The following ALDH9A1 variants were observed in gnomAD, a reference collection of about 807,000 sequenced individuals.
The protein encoded by ALDH9A1 is aldehyde dehydrogenase 9 family member A1.
Under a neutral mutation model 56.6 loss-of-function variants are expected in ALDH9A1, and 42 were observed. The ratio of observed to expected loss-of-function variants is 0.74; its 90% CI spans 0.58 to 0.96. The LOEUF (loss-of-function observed/expected upper bound fraction) is 0.96. Ranked by LOEUF, ALDH9A1 falls within the 40% of genes least tolerant of loss-of-function variation. The pLI is 0.00. For missense variants in ALDH9A1, 661 were observed against 651.5 expected (o/e 1.01, Z -0.16); for synonymous variants, 242 against 236.0 (o/e 1.03, Z -0.23).
At chr1:165,690,962 A>C (rs1201397126) in intron 2 of ALDH9A1, among the ~76,000 whole-genome samples, 1 of 152,220 alleles carries the variant, frequency 6.6e-6, no homozygotes, top group Non-Finnish European at 1.5e-5. Flanking sequence ...AGGCAGCGGA[A>C]ACTTCTGCAG....
chr1:165,673,093 T>G (rs1219676965), intron 6 of ALDH9A1, among the ~76,000 whole-genome samples: 1 of 132,316 alleles, frequency 7.6e-6, no homozygotes, highest in African/African-American at 2.8e-5. Flanking sequence ...ACTCACACTA[T>G]TCAATTGCAA....
At chr1:165,683,157 C>A in intron 2 of ALDH9A1, 47 bp from the exon 3 acceptor site, 1 of 1,588,810 alleles carries the variant, frequency 6.3e-7, no homozygotes, top group South Asian at 1.1e-5. Context: ...TCCAATATGT[C>A]TTGATGTAAT....
chr1:165,686,823 C>T (rs1270485999), intron 2 of ALDH9A1, among the ~76,000 whole-genome samples: 1 of 152,072 alleles, frequency 6.6e-6, no homozygotes, highest in South Asian at 2.1e-4. Context: ...TCAAAAACTA[C>T]CAGGCATGCA....
chr1:165,695,489 T>TA, intron 1 of ALDH9A1, 92 bp from the exon 2 acceptor site: 1 of 290,372 alleles, frequency 3.4e-6, no homozygotes, highest in Non-Finnish European at 4.8e-6. Context: ...GTAGTAGTCT[T>TA]TTTTTTTTTT....
intron 6 of ALDH9A1, among the ~76,000 whole-genome samples, chr1:165,672,571 C>A (rs939881346): frequency 3.9e-5 from 6 of 151,984 alleles, no homozygotes; most frequent in African/African-American, 1.5e-4. Context: ...TGAAAAAGTT[C>A]TAGAGATGAA....
chr1:165,667,553 C>T, intron 8 of ALDH9A1, 103 bp from the exon 9 acceptor site: 1 of 1,326,086 alleles, frequency 7.5e-7, no homozygotes, highest in Non-Finnish European at 1.0e-6. Flanking sequence ...GTTGCCCAGT[C>T]TGGTCTCAAA....
At chr1:165,680,178 G>T (rs562522299) in intron 5 of ALDH9A1, among the ~76,000 whole-genome samples, 36 of 152,216 alleles carry the variant, frequency 2.4e-4, no homozygotes, top group African/African-American at 8.2e-4. Flanking sequence ...TTCTATACAA[G>T]AAATTAAGTC....
intron 6 of ALDH9A1, among the ~76,000 whole-genome samples, chr1:165,674,998 G>C (rs1649303753): frequency 6.6e-6 from 1 of 152,286 alleles, no homozygotes; most frequent in South Asian, 2.1e-4. Context: ...TTCAAGACCA[G>C]CCTGGCCAAC....
chr1:165,670,267 T>A (rs1176973997), intron 6 of ALDH9A1, among the ~76,000 whole-genome samples: 1 of 152,066 alleles, frequency 6.6e-6, no homozygotes, highest in Non-Finnish European at 1.5e-5. Flanking sequence ...ACCCCATCTC[T>A]ACAAAAAACA....
chr1:165,684,808 G>T (rs1165523036), intron 2 of ALDH9A1, among the ~76,000 whole-genome samples: 1 of 152,190 alleles, frequency 6.6e-6, no homozygotes, highest in African/African-American at 2.4e-5. Context: ...TTCTATCGCT[G>T]CTAAGCCCTG....
chr1:165,677,901 C>A (rs930439028), intron 6 of ALDH9A1, among the ~76,000 whole-genome samples: 1 of 151,086 alleles, frequency 6.6e-6, no homozygotes, highest in African/African-American at 2.4e-5. Flanking sequence ...TGGTGGCACA[C>A]ACCTGTAGTC....
At chr1:165,673,613 A>G (rs988341246) in intron 6 of ALDH9A1, among the ~76,000 whole-genome samples, 1 of 152,090 alleles carries the variant, frequency 6.6e-6, no homozygotes, top group Non-Finnish European at 1.5e-5. Flanking sequence ...TCTGGATATC[A>G]CCTTTTGTCG....
intron 6 of ALDH9A1, among the ~76,000 whole-genome samples, chr1:165,675,281 T>C (rs1649317607): frequency 6.6e-6 from 1 of 151,854 alleles, no homozygotes; most frequent in Admixed American, 6.6e-5. Context: ...ATATAAAGTA[T>C]ACATAGTACA....
At chr1:165,688,358 C>A (rs4657463) in intron 2 of ALDH9A1, among the ~76,000 whole-genome samples, 10 of 151,976 alleles carry the variant, frequency 6.6e-5, no homozygotes, top group African/African-American at 2.4e-4. Flanking sequence ...GAAGAAATTC[C>A]TTCTAGCAGA....
intron 4 of ALDH9A1, 25 bp downstream of exon 4, chr1:165,682,082 A>C: frequency 6.2e-7 from 1 of 1,613,026 alleles, no homozygotes; most frequent in Non-Finnish European, 8.5e-7. Flanking sequence ...AATGGCTCTC[A>C]AATGGAGGGA....
chr1:165,667,517 ATT>A, intron 8 of ALDH9A1, 67 bp from the exon 9 acceptor site: 2 of 1,558,308 alleles, frequency 1.3e-6, no homozygotes, highest in Non-Finnish European at 1.7e-6. Flanking sequence ...CCCCCAGCTA[ATT>A]TTTTGAAGAT....
chr1:165,687,304 A>G (rs1649741607), intron 2 of ALDH9A1, among the ~76,000 whole-genome samples: 1 of 152,006 alleles, frequency 6.6e-6, no homozygotes, highest in Admixed American at 6.6e-5. Flanking sequence ...CAAAAAAAAA[A>G]ACTAAAGAAA....
At chr1:165,668,392 G>C (rs1649071323) in intron 8 of ALDH9A1, among the ~76,000 whole-genome samples, 1 of 152,092 alleles carries the variant, frequency 6.6e-6, no homozygotes, top group African/African-American at 2.4e-5. Flanking sequence ...TGCCTCTCTT[G>C]CTCTCTCTTT....
chr1:165,682,350 CTCCCAATA>C, intron 3 of ALDH9A1, 109 bp from the exon 4 acceptor site: 1 of 1,196,880 alleles, frequency 8.4e-7, no homozygotes, highest in Non-Finnish European at 1.2e-6. Context: ...CTCCCCACTT[CTCCCAATA>C]CACCAGGCTC....
Sources: allele counts gnomAD v4.1 joint callset (sites outside exome capture counted in the v4.1 genomes callset), GRCh38; gene constraint gnomAD v4.1.1; transcripts MANE v1.5; gene names NCBI Gene and HGNC (gene_info 2026-07-23, HGNC 2026-07-21).